The following CSMD1 variants were observed in gnomAD, a reference collection of about 807,000 sequenced individuals.
The protein encoded by CSMD1 is CUB and sushi domain-containing protein 1.
In CSMD1, 213 loss-of-function variants were observed where a neutral mutation model predicts 417.5. The ratio of observed to expected loss-of-function variants is 0.51; its 90% confidence interval spans 0.46 to 0.57. The LOEUF is 0.57. CSMD1 is among the 20% of genes least tolerant of loss of function. CSMD1 has a pLI of 0.00. For missense variants in CSMD1, 6,923 were observed against 4,529.7 expected (o/e 1.53, Z -15.17); for synonymous variants, 2,862 against 1,736.8 (o/e 1.65, Z -16.11).
At chr8:4,973,136 C>G (rs1810340290) in intron 1 of CSMD1, among the ~76,000 whole-genome samples, 1 of 152,062 alleles carries the variant, frequency 6.6e-6, no homozygotes, top group Non-Finnish European at 1.5e-5. Flanking sequence ...ATAAAACACA[C>G]CAAGAAATAT....
At chr8:4,572,931 G>A (rs1043696127) in intron 2 of CSMD1, among the ~76,000 whole-genome samples, 1 of 151,954 alleles carries the variant, frequency 6.6e-6, no homozygotes, top group East Asian at 1.9e-4. Flanking sequence ...TTGTGTATGC[G>A]TCATGAAGTC....
At chr8:3,857,527 A>T (rs891991666) in intron 5 of CSMD1, among the ~76,000 whole-genome samples, 1 of 152,194 alleles carries the variant, frequency 6.6e-6, no homozygotes, top group African/African-American at 2.4e-5. Flanking sequence ...GATTTGCTTA[A>T]TATTACTCCA....
intron 2 of CSMD1, among the ~76,000 whole-genome samples, chr8:4,601,267 A>T (rs547609002): frequency 7.2e-5 from 11 of 152,148 alleles, no homozygotes; most frequent in African/African-American, 1.7e-4. Flanking sequence ...GATTTTTTTT[A>T]AAAAGCATGA....
chr8:3,486,020 T>G (rs1293616539), intron 11 of CSMD1, among the ~76,000 whole-genome samples: 17 of 152,114 alleles, frequency 1.1e-4, no homozygotes, highest in Admixed American at 9.2e-4. Flanking sequence ...GACTATCGAT[T>G]CGAGTTCTCC....
chr8:3,428,316 C>T (rs923990548), intron 12 of CSMD1, among the ~76,000 whole-genome samples: 5 of 152,084 alleles, frequency 3.3e-5, no homozygotes, highest in Admixed American at 1.3e-4. Context: ...TATTCAGAGA[C>T]GAATGGCCAG....
At chr8:3,300,109 C>T (rs1193120867) in intron 25 of CSMD1, among the ~76,000 whole-genome samples, 3 of 152,178 alleles carry the variant, frequency 2.0e-5, no homozygotes, top group East Asian at 1.9e-4. Context: ...CACATTCAGG[C>T]AATGGAATAC....
intron 23 of CSMD1, among the ~76,000 whole-genome samples, chr8:3,332,963 C>G (rs1434172764): frequency 6.6e-6 from 1 of 152,186 alleles, no homozygotes; most frequent in Non-Finnish European, 1.5e-5. Flanking sequence ...CGGAGCCTGA[C>G]TCAATCCAGG....
At chr8:4,684,136 A>T (rs1806222121) in intron 1 of CSMD1, among the ~76,000 whole-genome samples, 1 of 152,248 alleles carries the variant, frequency 6.6e-6, no homozygotes, top group African/African-American at 2.4e-5. Flanking sequence ...ATGATTTCAT[A>T]TACACACGTC....
chr8:4,994,472 G>C lies in CSMD1; in HGVS notation c.-56C>G. 1 of 1,495,544 alleles carries C rather than the reference G, an allele frequency of 6.7e-7. No homozygotes were observed. Among genetic ancestry groups the C allele is most frequent in the East Asian group, 2.3e-5 (1 of 43,884 alleles). 92.6% of individuals were successfully genotyped at this position (1,495,544 alleles called of 1,614,324 possible). A position where few individuals can be genotyped will look rare whatever the true frequency, so the allele number is the denominator to read the frequency against. On this transcript the variant is annotated 5_prime_UTR_variant, in exon 1 of 70. Transcript: ENST00000635120. ...CGATGGCTCCTCCGAGGAAGGCAGG[G>C]CTATGAGCGGAGCCAAATAATCACC...
intron 3 of CSMD1, among the ~76,000 whole-genome samples, chr8:4,186,704 C>T (rs1183319453): frequency 3.3e-5 from 5 of 151,786 alleles, no homozygotes; most frequent in Admixed American, 6.6e-5. Flanking sequence ...ATATTTTTTT[C>T]AGCGGCGTAC....
intron 21 of CSMD1, among the ~76,000 whole-genome samples, chr8:3,357,406 C>G (rs530712230): frequency 1.4e-3 from 216 of 152,310 alleles, no homozygotes; most frequent in Middle Eastern, 6.8e-3. Flanking sequence ...GTAGAATTGT[C>G]ATGGGACTAA....
chr8:4,810,540 T>C (rs921202501), intron 1 of CSMD1, among the ~76,000 whole-genome samples: 15 of 151,396 alleles, frequency 9.9e-5, no homozygotes, highest in African/African-American at 2.2e-4. Flanking sequence ...TGTGTGTGTG[T>C]GCGCACGCGC....
At chr8:4,492,832 C>T (rs1360785219) in intron 2 of CSMD1, among the ~76,000 whole-genome samples, 1 of 152,178 alleles carries the variant, frequency 6.6e-6, no homozygotes, top group Non-Finnish European at 1.5e-5. Flanking sequence ...CCAGATGCTG[C>T]TTCTCATGCA....
intron 6 of CSMD1, among the ~76,000 whole-genome samples, chr8:3,716,259 T>G (rs761685130): frequency 1.3e-5 from 2 of 152,170 alleles, no homozygotes; most frequent in Non-Finnish European, 2.9e-5. Flanking sequence ...GAGAGTGTTC[T>G]TGAATCTCAT....
intron 2 of CSMD1, among the ~76,000 whole-genome samples, chr8:4,628,036 C>T (rs902431438): frequency 1.3e-5 from 2 of 151,330 alleles, no homozygotes; most frequent in African/African-American, 4.9e-5. Context: ...TTCCCTGGGA[C>T]AAAAAAATCA....
intron 1 of CSMD1, among the ~76,000 whole-genome samples, chr8:4,754,878 C>G (rs1185764951): frequency 6.6e-6 from 1 of 150,996 alleles, no homozygotes; most frequent in Non-Finnish European, 1.5e-5. Flanking sequence ...GTGGTTCACA[C>G]CTGTAATCCA....
chr8:2,974,318 T>C (rs1232524780), intron 56 of CSMD1, 133 bp downstream of exon 56: 1 of 819,456 alleles, frequency 1.2e-6, no homozygotes, highest in East Asian at 2.8e-5. Flanking sequence ...TGGCTAGAAA[T>C]GCAATACTAA....
At chr8:3,230,384 G>C (rs1203155165) in intron 26 of CSMD1, among the ~76,000 whole-genome samples, 153 bp from the exon 27 acceptor site, 1 of 152,190 alleles carries the variant, frequency 6.6e-6, no homozygotes, top group African/African-American at 2.4e-5. Flanking sequence ...TCTTTTCCCA[G>C]GGGTACATTC....
At chr8:3,772,106 G>A (rs1209440453) in intron 5 of CSMD1, among the ~76,000 whole-genome samples, 1 of 150,098 alleles carries the variant, frequency 6.7e-6, no homozygotes, top group Non-Finnish European at 1.5e-5. Flanking sequence ...GTGATTTTGT[G>A]TGAGTGCTCT....
Sources: gnomAD v4.1 joint callset for allele counts (sites outside exome capture counted in the v4.1 genomes callset) on GRCh38, gnomAD v4.1.1 for gene constraint, MANE v1.5 for transcripts, NCBI Gene and HGNC (gene_info 2026-07-23, HGNC 2026-07-21) for gene names.